PARN: variants seen among roughly 807,000 people sequenced by gnomAD.
PARN encodes poly(A)-specific ribonuclease.
PARN carries 71 observed loss-of-function variants against 102.8 expected under a neutral mutation model. That is an observed-to-expected ratio of 0.69 (90% confidence interval 0.57 to 0.84). PARN has a LOEUF of 0.84. Ranked by LOEUF, PARN falls within the 40% of genes least tolerant of loss-of-function variation. The pLI, the probability that PARN is intolerant of heterozygous loss-of-function variation, is 0.00. For synonymous variants in PARN, 261 were observed against 252.9 expected, an observed-to-expected ratio of 1.03 and a Z score of -0.30; for missense variants, 782 against 760.9, an observed-to-expected ratio of 1.03 and a Z score of -0.33.
chr16:14,568,063 G>A (rs1025413150), intron 18 of PARN, among the ~76,000 whole-genome samples: 16 of 152,066 alleles, frequency 1.1e-4, no homozygotes, highest in Non-Finnish European at 8.8e-5. Context: ...AGAACACACC[G>A]CCTGCTGTGT....
At chr16:14,542,872 T>A (rs186164853) in intron 21 of PARN, among the ~76,000 whole-genome samples, 9 of 151,892 alleles carry the variant, frequency 5.9e-5, no homozygotes, top group Admixed American at 5.2e-4. Context: ...GTACCTGGAG[T>A]CTCAGAGGAG....
chr16:14,595,094 T>C (rs912423700), intron 12 of PARN, among the ~76,000 whole-genome samples: 5 of 152,158 alleles, frequency 3.3e-5, no homozygotes, highest in Non-Finnish European at 5.9e-5. Flanking sequence ...ACAAAACGAA[T>C]TGCACATAAA....
chr16:14,524,314 T>C (rs556038947), intron 21 of PARN, among the ~76,000 whole-genome samples: 4 of 152,308 alleles, frequency 2.6e-5, no homozygotes, highest in East Asian at 1.9e-4. Context: ...TATGCCATCA[T>C]ACCCTTGGTC....
At chr16:14,552,149 A>T (rs1469279917) in intron 20 of PARN, 54 bp from the exon 21 acceptor site, 2 of 1,050,378 alleles carry the variant, frequency 1.9e-6, no homozygotes, top group South Asian at 2.6e-5. Flanking sequence ...GAGAGCTATT[A>T]GATTTAATGC....
intron 15 of PARN, 41 bp downstream of exon 15, chr16:14,584,708 G>A (rs747291188): frequency 4.2e-6 from 6 of 1,413,044 alleles, no homozygotes; most frequent in Middle Eastern, 1.8e-4. Flanking sequence ...ATTTCACTCA[G>A]TAATATGCAG....
chr16:14,554,447 T>C (rs77320876), intron 19 of PARN, among the ~76,000 whole-genome samples: 1 of 151,826 alleles, frequency 6.6e-6, no homozygotes, highest in Admixed American at 6.6e-5. Context: ...TTTTTTTTTT[T>C]TGAGACAGGG....
At chr16:14,626,361 C>G (rs1202164930) in intron 5 of PARN, among the ~76,000 whole-genome samples, 1 of 152,130 alleles carries the variant, frequency 6.6e-6, no homozygotes, top group African/African-American at 2.4e-5. Context: ...TATGCCCAGG[C>G]TGGTCTCAGA....
intron 21 of PARN, among the ~76,000 whole-genome samples, chr16:14,493,977 C>T (rs1480461023): frequency 6.6e-6 from 1 of 152,194 alleles, no homozygotes; most frequent in Non-Finnish European, 1.5e-5. Context: ...CAAACAAATA[C>T]AGTTGACCCT....
intron 5 of PARN, among the ~76,000 whole-genome samples, chr16:14,621,213 G>A (rs555046529): frequency 6.6e-6 from 1 of 152,140 alleles, no homozygotes; most frequent in African/African-American, 2.4e-5. Flanking sequence ...ACCATGGCTG[G>A]AGTGTTCTTA....
chr16:14,445,886 G>C (rs1283770869), intron 23 of PARN, among the ~76,000 whole-genome samples: 1 of 152,172 alleles, frequency 6.6e-6, no homozygotes, highest in Non-Finnish European at 1.5e-5. Flanking sequence ...TTGTAGGACA[G>C]ACTTAATGGC....
At chr16:14,488,459 G>C (rs909153805) in intron 21 of PARN, among the ~76,000 whole-genome samples, 4 of 152,142 alleles carry the variant, frequency 2.6e-5, no homozygotes, top group African/African-American at 4.8e-5. Context: ...CTATAAACTG[G>C]AAGAAGATAT....
chr16:14,598,702 C>A (rs1387715539), intron 12 of PARN, among the ~76,000 whole-genome samples: 1 of 152,202 alleles, frequency 6.6e-6, no homozygotes, highest in Non-Finnish European at 1.5e-5. Flanking sequence ...TCCTCGTGAG[C>A]CAACCCTCTT....
intron 22 of PARN, among the ~76,000 whole-genome samples, chr16:14,473,605 A>G (rs1444438773): frequency 6.6e-6 from 1 of 152,212 alleles, no homozygotes; most frequent in Non-Finnish European, 1.5e-5. Flanking sequence ...CTAGGGACAG[A>G]AGAGGCAGTT....
intron 2 of PARN, among the ~76,000 whole-genome samples, chr16:14,629,293 GA>G (rs963821028): frequency 1.3e-5 from 2 of 151,784 alleles, no homozygotes; most frequent in African/African-American, 4.8e-5. Flanking sequence ...TTACAATCAA[GA>G]AAAAAAACAG....
chr16:14,493,417 T>C (rs1309377417), intron 21 of PARN, among the ~76,000 whole-genome samples: 1 of 152,184 alleles, frequency 6.6e-6, no homozygotes, highest in East Asian at 1.9e-4. Flanking sequence ...GGTTTTGCCA[T>C]GTTGTCCAGG....
At chr16:14,559,562 A>C (rs1022418538) in intron 18 of PARN, among the ~76,000 whole-genome samples, 5 of 151,894 alleles carry the variant, frequency 3.3e-5, no homozygotes, top group African/African-American at 4.8e-5. Context: ...GTTACAAACA[A>C]TCCAACGACA....
In PARN at chr16:14,478,328, T is replaced by C. The variant is rs545051714; in HGVS notation, c.1670+4310A>G. 4.0e-5 allele frequency among the ~76,000 whole-genome samples: 6 copies of C among 151,846 alleles called. No homozygotes were observed. In the East Asian group the frequency reaches 1.2e-3, roughly 29 times the overall value. On this transcript the variant is annotated intron_variant, in intron 22 of 23. Transcript: ENST00000437198. ...CTGTCTCAGAAATATTAAAAATAAATAAATAAAAGACAAAACCCATAAGAC... is the reference window on the plus strand; with the variant it reads ...CTGTCTCAGAAATATTAAAAATAAACAAATAAAAGACAAAACCCATAAGAC...
At chr16:14,455,526 G>C (rs1243847071) in intron 22 of PARN, among the ~76,000 whole-genome samples, 2 of 152,160 alleles carry the variant, frequency 1.3e-5, no homozygotes, top group Non-Finnish European at 2.9e-5. Flanking sequence ...ATTCTATGAA[G>C]ATAATGTAAC....
At chr16:14,481,128 A>G (rs1212134661) in intron 22 of PARN, among the ~76,000 whole-genome samples, 1 of 152,174 alleles carries the variant, frequency 6.6e-6, no homozygotes, top group Admixed American at 6.5e-5. Context: ...AACTTATCCT[A>G]AAAATCAATA....
Sources: gnomAD v4.1 joint callset for allele counts (sites outside exome capture counted in the v4.1 genomes callset) on GRCh38, gnomAD v4.1.1 for gene constraint, MANE v1.5 for transcripts, NCBI Gene and HGNC (gene_info 2026-07-23, HGNC 2026-07-21) for gene names.